GAP43: variants seen among roughly 807,000 people sequenced by gnomAD.
GAP43 encodes growth associated protein 43, also known as neuromodulin.
In GAP43, 6 loss-of-function variants were observed where a neutral mutation model predicts 18.6. That is an observed-to-expected ratio of 0.32 (90% CI 0.18 to 0.64). The LOEUF (loss-of-function observed/expected upper bound fraction) is 0.64. Ranked by LOEUF, GAP43 falls within the 30% of genes least tolerant of loss-of-function variation. GAP43 has a pLI of 0.78. For synonymous variants in GAP43, 115 were observed against 111.4 expected, an observed-to-expected ratio of 1.03 and a Z score of -0.20; for missense variants, 292 against 295.5, an observed-to-expected ratio of 0.99 and a Z score of 0.09.
rs375793477 is a variant in GAP43, at chr3:115,706,346, T to C, written c.629-14448T>C. The stretch of plus-strand genomic sequence containing the variant: ...GATGGAGTGTCTTAAGCCTGGAGAA[T>C]TGCCATCCTCTCTGTAACTTGCCTA... On this transcript the variant is annotated intron_variant, in intron 2 of 2. Transcript: ENST00000305124. Among the ~76,000 whole-genome samples, 566 of 152,202 alleles carry C rather than the reference T, an allele frequency of 3.7e-3. 6 individuals carry two copies. The highest frequency in any genetic ancestry group is 0.013 in the African/African-American group (547 of 41,550).
chr3:115,692,306 G>A (rs1432398252), intron 2 of GAP43, among the ~76,000 whole-genome samples: 7 of 152,280 alleles, frequency 4.6e-5, no homozygotes, highest in Admixed American at 3.3e-4. Flanking sequence ...CCCAGATATC[G>A]CAAGGACTGT....
intron 2 of GAP43, among the ~76,000 whole-genome samples, chr3:115,716,769 CAGAGAGAG>C (rs371857324): frequency 0.069 from 3,781 of 54,492 alleles, 78 homozygotes; most frequent in Non-Finnish European, 0.086. Flanking sequence ...TATATATATA[CAGAGAGAG>C]AGAGAGAGAG....
intron 1 of GAP43, among the ~76,000 whole-genome samples, chr3:115,628,224 T>C (rs1708215674): frequency 6.6e-6 from 1 of 151,996 alleles, no homozygotes; most frequent in Non-Finnish European, 1.5e-5. Context: ...GCTTGTGCTC[T>C]TGCTCCTCCC....
intron 1 of GAP43, among the ~76,000 whole-genome samples, chr3:115,629,840 A>G (rs1314249528): frequency 6.6e-6 from 1 of 152,200 alleles, no homozygotes; most frequent in African/African-American, 2.4e-5. Context: ...ATCTAAATGG[A>G]TAGAATCACT....
At chr3:115,698,460 T>TCTAA (rs1238848279) in intron 2 of GAP43, among the ~76,000 whole-genome samples, 2 of 149,030 alleles carry the variant, frequency 1.3e-5, no homozygotes, top group African/African-American at 5.0e-5. Flanking sequence ...CTCTTAAGAT[T>TCTAA]CTAACTGTGG....
chr3:115,696,578 G>GCCC (rs71141833), intron 2 of GAP43, among the ~76,000 whole-genome samples: 27 of 55,192 alleles, frequency 4.9e-4, no homozygotes, highest in African/African-American at 2.2e-3. Flanking sequence ...GCCCCCCACC[G>GCCC]CCCCCCCCCC....
intron 2 of GAP43, among the ~76,000 whole-genome samples, chr3:115,706,892 C>G (rs866611430): frequency 6.6e-6 from 1 of 152,132 alleles, no homozygotes; most frequent in African/African-American, 2.4e-5. Context: ...ATTTATTAGG[C>G]ATTCATGTGA....
At chr3:115,697,252 C>T (rs1709206407) in intron 2 of GAP43, among the ~76,000 whole-genome samples, 4 of 152,032 alleles carry the variant, frequency 2.6e-5, no homozygotes, top group African/African-American at 4.8e-5. Context: ...ATTATTATTT[C>T]GTACACTGTG....
intron 2 of GAP43, among the ~76,000 whole-genome samples, chr3:115,677,759 G>A (rs2107490503): frequency 6.6e-6 from 1 of 152,250 alleles, no homozygotes; most frequent in East Asian, 1.9e-4. Context: ...TGTGCTCCTT[G>A]GGAGAAAACC....
intron 1 of GAP43, among the ~76,000 whole-genome samples, chr3:115,674,066 T>G (rs2107488285): frequency 6.6e-6 from 1 of 152,322 alleles, no homozygotes; most frequent in South Asian, 2.1e-4. Context: ...GCTGGGTCAC[T>G]GGGGCAGAGC....
Position 115,676,260 on chromosome 3 carries a change from C to T in GAP43, c.278C>T (p.Ala93Val), listed in dbSNP as rs1406858633. 3.1e-6 allele frequency: 5 copies of T among 1,614,060 alleles called. No homozygotes were observed. The South Asian group carries it at 3.3e-5, about 11-fold the overall frequency. ...EGTTTAEAAP[A>V]TGSKPDEPGK... ...ACCACTACTGCCGAAGCAGCCCCAG[C>T]CACTGGCTCCAAGCCTGATGAGCCC... The change falls in exon 2 of 3, where the codon GCC (alanine) becomes GTC (valine). Residue 93 changes from alanine to valine, a missense_variant. Physicochemically the swap from Ala to Val is moderately conservative, Grantham distance 64. Transcript: ENST00000305124.
At chr3:115,643,582 T>C (rs960953645) in intron 1 of GAP43, among the ~76,000 whole-genome samples, 7 of 152,048 alleles carry the variant, frequency 4.6e-5, no homozygotes, top group Non-Finnish European at 7.4e-5. Flanking sequence ...CTAAAATACT[T>C]TGTTGCAACA....
intron 2 of GAP43, among the ~76,000 whole-genome samples, chr3:115,720,042 G>A (rs1027110464): frequency 6.6e-5 from 10 of 152,172 alleles, no homozygotes; most frequent in Admixed American, 1.3e-4. Flanking sequence ...TTGGCTGCAA[G>A]AAACTGAAAA....
intron 2 of GAP43, among the ~76,000 whole-genome samples, chr3:115,711,274 T>C (rs1302662053): frequency 2.0e-5 from 3 of 152,122 alleles, no homozygotes; most frequent in African/African-American, 7.2e-5. Context: ...GGAATTCCCC[T>C]GGGAGAATAA....
chr3:115,694,037 G>A (rs1709150966), intron 2 of GAP43, among the ~76,000 whole-genome samples: 2 of 152,062 alleles, frequency 1.3e-5, no homozygotes, highest in African/African-American at 4.8e-5. Flanking sequence ...TGCCCGGTGG[G>A]CTGGCGGAGG....
At chr3:115,706,425 A>G (rs929544972) in intron 2 of GAP43, among the ~76,000 whole-genome samples, 3 of 152,060 alleles carry the variant, frequency 2.0e-5, no homozygotes, top group Admixed American at 6.6e-5. Context: ...TTGGCCTTTT[A>G]CTCATTCAGT....
At chr3:115,704,293 G>A (rs143322979) in intron 2 of GAP43, among the ~76,000 whole-genome samples, 20 of 152,104 alleles carry the variant, frequency 1.3e-4, no homozygotes, top group Non-Finnish European at 2.8e-4. Context: ...ATAGTGCAAC[G>A]ATCTCTTAAA....
At chr3:115,672,881 T>C (rs1319069459) in intron 1 of GAP43, among the ~76,000 whole-genome samples, 1 of 152,174 alleles carries the variant, frequency 6.6e-6, no homozygotes, top group Non-Finnish European at 1.5e-5. Context: ...TTCCTAAATC[T>C]CTAATGATGA....
chr3:115,715,141 G>C (rs1309823800), intron 2 of GAP43, among the ~76,000 whole-genome samples: 1 of 151,930 alleles, frequency 6.6e-6, no homozygotes, highest in Non-Finnish European at 1.5e-5. Context: ...CACCTTAGGG[G>C]GTTAGAATTT....
Sources: gnomAD v4.1 joint callset for allele counts (sites outside exome capture counted in the v4.1 genomes callset) on GRCh38, gnomAD v4.1.1 for gene constraint, MANE v1.5 for transcripts, NCBI Gene and HGNC (gene_info 2026-07-23, HGNC 2026-07-21) for gene names.